TGFBR3: variants seen among roughly 807,000 people sequenced by gnomAD.
TGFBR3 encodes the protein transforming growth factor beta receptor 3.
Under a neutral mutation model 87.9 loss-of-function variants are expected in TGFBR3, and 46 were observed. The ratio of observed to expected loss-of-function variants is 0.52; its 90% confidence interval spans 0.41 to 0.67. TGFBR3 has a LOEUF of 0.67. Among genes scored for constraint, TGFBR3 ranks in the 30% least tolerant of loss-of-function variants. TGFBR3 has a pLI of 0.00. For synonymous variants in TGFBR3, 381 were observed against 391.6 expected (o/e 0.97, Z 0.32); for missense variants, 866 against 1,041.9 (o/e 0.83, Z 2.32).
intron 3 of TGFBR3, among the ~76,000 whole-genome samples, chr1:91,789,315 AG>A (rs35559213): frequency 6.6e-6 from 1 of 152,252 alleles, no homozygotes; most frequent in South Asian, 2.1e-4. Context: ...CGAAAAAAAA[AG>A]GGGGTGTCAA....
At chr1:91,782,448 C>T (rs1160484696) in intron 3 of TGFBR3, among the ~76,000 whole-genome samples, 1 of 152,186 alleles carries the variant, frequency 6.6e-6, no homozygotes, top group Non-Finnish European at 1.5e-5. Flanking sequence ...GGACCTTTGG[C>T]TCCCTTGGAC....
chr1:91,770,106 A>G (rs1005228588), intron 3 of TGFBR3, among the ~76,000 whole-genome samples: 1 of 152,182 alleles, frequency 6.6e-6, no homozygotes, highest in Non-Finnish European at 1.5e-5. Flanking sequence ...AGAGAAACTC[A>G]TAGCACATTT....
At chr1:91,742,881 T>C (rs978929832) in intron 4 of TGFBR3, among the ~76,000 whole-genome samples, 3 of 152,214 alleles carry the variant, frequency 2.0e-5, no homozygotes, top group African/African-American at 7.2e-5. Flanking sequence ...CATTACTCTA[T>C]CTGCCAATTG....
chr1:91,793,178 G>A (rs938815654), intron 3 of TGFBR3, among the ~76,000 whole-genome samples: 10 of 149,494 alleles, frequency 6.7e-5, no homozygotes, highest in Admixed American at 2.6e-4. Context: ...CTACTTTTGG[G>A]TGTAGGCTCT....
chr1:91,743,075 C>T (rs1673211641), intron 4 of TGFBR3, among the ~76,000 whole-genome samples: 1 of 152,166 alleles, frequency 6.6e-6, no homozygotes, highest in Admixed American at 6.5e-5. Context: ...TCCACGGAAG[C>T]CTCAAGGTTG....
chr1:91,898,041 AT>A (rs1195172221), intron 2 of TGFBR3, among the ~76,000 whole-genome samples: 46 of 9,992 alleles, frequency 4.6e-3, no homozygotes, highest in Non-Finnish European at 7.6e-3. Context: ...AATGTTTTCA[AT>A]TTAAAAAAAA....
At chr1:91,868,519 C>A (rs571549276) in intron 1 of TGFBR3, among the ~76,000 whole-genome samples, 1 of 152,174 alleles carries the variant, frequency 6.6e-6, no homozygotes, top group African/African-American at 2.4e-5. Flanking sequence ...GTATAAGTTA[C>A]AGGGATCTGG....
intron 2 of TGFBR3, among the ~76,000 whole-genome samples, chr1:91,859,824 G>A (rs187314979): frequency 2.7e-5 from 4 of 150,140 alleles, no homozygotes; most frequent in Non-Finnish European, 4.4e-5. Context: ...CAGGAGAATC[G>A]CTTGAACCCA....
intron 4 of TGFBR3, among the ~76,000 whole-genome samples, chr1:91,735,991 G>A (rs776894493): frequency 6.6e-6 from 1 of 152,134 alleles, no homozygotes; most frequent in Admixed American, 6.5e-5. Flanking sequence ...GAAGCAAGTC[G>A]AGGGCAGGGA....
Position 91,838,499 on chromosome 1 carries a change from C to T in TGFBR3, c.61+22972G>A, listed in dbSNP as rs190853386. On this transcript the variant is annotated intron_variant, in intron 2 of 16. Transcript: ENST00000212355. The stretch of plus-strand genomic sequence containing the variant: ...TTTGAGACGGAGTCTCGCCCTGTCG[C>T]CCAGGCTGGAGTGCAGTGGGGCAAA... 3.3e-5 allele frequency among the ~76,000 whole-genome samples: 5 copies of T among 150,540 alleles called. No individual in the cohort carries two copies. In the East Asian group the frequency reaches 9.7e-4, roughly 29 times the overall value.
intron 2 of TGFBR3, among the ~76,000 whole-genome samples, chr1:91,894,980 C>T (rs1384663416): frequency 6.6e-6 from 1 of 152,170 alleles, no homozygotes; most frequent in Non-Finnish European, 1.5e-5. Flanking sequence ...CCATGTTAGC[C>T]AGGATGGTCT....
intron 3 of TGFBR3, among the ~76,000 whole-genome samples, chr1:91,776,981 C>T (rs1674588212): frequency 6.6e-6 from 1 of 152,196 alleles, no homozygotes; most frequent in South Asian, 2.1e-4. Context: ...AGACCACATT[C>T]ATTCCACACC....
intron 2 of TGFBR3, among the ~76,000 whole-genome samples, chr1:91,811,278 C>T (rs969253044): frequency 2.0e-5 from 3 of 152,134 alleles, no homozygotes; most frequent in African/African-American, 7.2e-5. Context: ...TGCCACTGCA[C>T]TCCAGTCTGG....
At chr1:91,870,378 T>C (rs1338228420) in intron 1 of TGFBR3, among the ~76,000 whole-genome samples, 1 of 152,238 alleles carries the variant, frequency 6.6e-6, no homozygotes. Flanking sequence ...TAGTATCTAC[T>C]CCGACCCTTT....
chr1:91,751,058 C>T (rs1413667080), intron 4 of TGFBR3, among the ~76,000 whole-genome samples: 1 of 152,190 alleles, frequency 6.6e-6, no homozygotes, highest in Non-Finnish European at 1.5e-5. Flanking sequence ...TCCTCCACAG[C>T]TAGCACAGTT....
At chr1:91,826,375 T>G (rs949374702) in intron 2 of TGFBR3, among the ~76,000 whole-genome samples, 1 of 152,162 alleles carries the variant, frequency 6.6e-6, no homozygotes, top group Non-Finnish European at 1.5e-5. Flanking sequence ...ACATTTATAT[T>G]TAGTAGGAGG....
intron 4 of TGFBR3, among the ~76,000 whole-genome samples, chr1:91,745,541 T>A (rs1178461667): frequency 6.6e-6 from 1 of 152,202 alleles, no homozygotes; most frequent in Non-Finnish European, 1.5e-5. Context: ...AAGATTATGC[T>A]TTTATGTATT....
At chr1:91,838,506 T>A (rs1423284066) in intron 2 of TGFBR3, among the ~76,000 whole-genome samples, 3 of 150,494 alleles carry the variant, frequency 2.0e-5, no homozygotes, top group African/African-American at 4.9e-5. Context: ...TCGCCCAGGC[T>A]GGAGTGCAGT....
At chr1:91,849,912 C>T (rs2101140324) in intron 2 of TGFBR3, among the ~76,000 whole-genome samples, 1 of 152,008 alleles carries the variant, frequency 6.6e-6, no homozygotes, top group Admixed American at 6.6e-5. Context: ...GAAACCCCGT[C>T]TCTGCTAAAA....
Sources: allele counts gnomAD v4.1 joint callset (sites outside exome capture counted in the v4.1 genomes callset), GRCh38; gene constraint gnomAD v4.1.1; transcripts MANE v1.5; gene names NCBI Gene and HGNC (gene_info 2026-07-23, HGNC 2026-07-21).